The following AFF2 variants were observed in gnomAD, a reference collection of about 807,000 sequenced individuals.
AFF2 encodes ALF transcription elongation factor 2, also known as AF4/FMR2 family member 2.
A neutral mutation model predicts 76.9 loss-of-function variants in AFF2; 14 were observed. The ratio of observed to expected loss-of-function variants is 0.18; its 90% CI spans 0.12 to 0.28. AFF2 has a LOEUF of 0.28. AFF2 is among the 10% of genes least tolerant of loss of function. AFF2 has a pLI of 1.00. For synonymous variants in AFF2, 398 were observed against 366.7 expected (o/e 1.09, Z -0.98); for missense variants, 868 against 1,001.1 (o/e 0.87, Z 1.79).
chrX:148,807,022 A>T (rs2070145039), intron 3 of AFF2, among the ~76,000 whole-genome samples: 1 of 112,164 alleles, frequency 8.9e-6, no homozygotes, highest in Admixed American at 9.4e-5. Context: ...AGTGTTTTCT[A>T]AAGAAAAATA....
intron 3 of AFF2, among the ~76,000 whole-genome samples, chrX:148,745,112 G>A (rs1369707403): frequency 8.9e-6 from 1 of 112,052 alleles, no homozygotes; most frequent in East Asian, 2.8e-4. Context: ...ATATCCTTCT[G>A]TATATATCCT....
chrX:148,519,639 C>T (rs1302694892), intron 1 of AFF2, among the ~76,000 whole-genome samples: 1 of 111,836 alleles, frequency 8.9e-6, no homozygotes, highest in African/African-American at 3.3e-5. Flanking sequence ...TTCGGAGACC[C>T]GAGGAAATAA....
At chrX:148,928,964 G>C (rs1557284088) in intron 9 of AFF2, among the ~76,000 whole-genome samples, 1 of 111,875 alleles carries the variant, frequency 8.9e-6, no homozygotes, top group African/African-American at 3.3e-5. Flanking sequence ...ATCTTGCCAG[G>C]TTCCTCCTTC....
intron 3 of AFF2, among the ~76,000 whole-genome samples, chrX:148,790,525 A>C (rs1282565252): frequency 9.0e-6 from 1 of 111,434 alleles, no homozygotes; most frequent in African/African-American, 3.3e-5. Context: ...GAAATGAGAT[A>C]ATGTCCTTTG....
At chrX:148,681,536 A>G (rs1312675333) in intron 3 of AFF2, among the ~76,000 whole-genome samples, 1 of 98,024 alleles carries the variant, frequency 1.0e-5, no homozygotes, top group Non-Finnish European at 2.0e-5. Flanking sequence ...GTGCTAAAAG[A>G]TGTGTGTGTG....
chrX:148,750,920 G>A (rs1364788862), intron 3 of AFF2, among the ~76,000 whole-genome samples: 3 of 111,563 alleles, frequency 2.7e-5, no homozygotes, highest in East Asian at 5.7e-4. Context: ...TCTTGTCTCC[G>A]TGAGAGACCA....
At chrX:148,696,083 A>G (rs17325152) in intron 3 of AFF2, among the ~76,000 whole-genome samples, 117 of 112,415 alleles carry the variant, frequency 1.0e-3, no homozygotes, top group Middle Eastern at 4.6e-3. Context: ...GTTTTGGTTT[A>G]TCAGTGTTGC....
chrX:148,720,330 C>T (rs1156676665), intron 3 of AFF2, among the ~76,000 whole-genome samples: 2 of 109,725 alleles, frequency 1.8e-5, no homozygotes, highest in African/African-American at 6.6e-5. Context: ...CCTTCCTTCC[C>T]TTCCTTTCTT....
intron 1 of AFF2, among the ~76,000 whole-genome samples, chrX:148,531,790 G>A (rs1383621166): frequency 4.5e-5 from 5 of 112,165 alleles, no homozygotes; most frequent in Non-Finnish European, 9.4e-5. Context: ...TATTTTAACA[G>A]CTACACAAGT....
At chrX:148,932,341 C>A (rs782331612) in intron 9 of AFF2, among the ~76,000 whole-genome samples, 15 of 111,976 alleles carry the variant, frequency 1.3e-4, no homozygotes, top group Non-Finnish European at 2.8e-4. Flanking sequence ...GGCTACTGCT[C>A]CTTTGTGGGT....
At chrX:148,723,447 C>T (rs1277765834) in intron 3 of AFF2, among the ~76,000 whole-genome samples, 1 of 111,135 alleles carries the variant, frequency 9.0e-6, no homozygotes. Flanking sequence ...CATTTTAAGT[C>T]ACCATTTCCC....
intron 2 of AFF2, among the ~76,000 whole-genome samples, chrX:148,661,019 A>G (rs1460300080): frequency 8.9e-6 from 1 of 112,284 alleles, no homozygotes; most frequent in Non-Finnish European, 1.9e-5. Flanking sequence ...AATAGAACCA[A>G]TACATCCTAC....
chrX:148,759,988 G>A (rs1032576218), intron 3 of AFF2, among the ~76,000 whole-genome samples: 3 of 112,236 alleles, frequency 2.7e-5, no homozygotes, highest in African/African-American at 9.7e-5. Context: ...TTGAGCCACA[G>A]TAGACAGAGT....
intron 3 of AFF2, among the ~76,000 whole-genome samples, chrX:148,752,748 C>A (rs1207969459): frequency 8.9e-6 from 1 of 111,735 alleles, no homozygotes; most frequent in African/African-American, 3.3e-5. Flanking sequence ...TTTATTTTAA[C>A]TTCATGGAAG....
chrX:148,825,448 A>G (rs1488225346), intron 4 of AFF2, among the ~76,000 whole-genome samples: 1 of 111,716 alleles, frequency 9.0e-6, no homozygotes, highest in Admixed American at 9.5e-5. Context: ...AGAAATTCCA[A>G]ATATTTTCAA....
intron 9 of AFF2, among the ~76,000 whole-genome samples, chrX:148,912,430 G>A (rs1009119927): frequency 7.2e-5 from 8 of 111,232 alleles, no homozygotes; most frequent in Non-Finnish European, 1.5e-4. Flanking sequence ...TGGACACTAT[G>A]AAAGGAACAA....
rs781789566 is a variant in AFF2, at chrX:148,962,755, A to G, written c.2731A>G (p.Lys911Glu). Residue 911 changes from lysine to glutamate, a missense_variant, in exon 13 of 21, where the codon AAA (lysine) becomes GAA (glutamate). Physicochemically the swap from Lys to Glu is moderately conservative, Grantham distance 56. This residue lies in a region of AFF2 where 532 missense variants were observed against 564.2 expected (regional missense o/e 0.94). Coordinates refer to ENST00000370460, the MANE Select transcript of AFF2 (RefSeq NM_002025.4). The part of the protein sequence containing the change: ...SRRANRRKEE[K>E]LFPPPLSPLP... ...GAGAGCAAATAGAAGAAAGGAAGAAAAACTATTTCCTCCTCCACTTTCCCC... is the reference window on the plus strand; with the variant it reads ...GAGAGCAAATAGAAGAAAGGAAGAAGAACTATTTCCTCCTCCACTTTCCCC... 6 of 1,210,629 alleles carry G rather than the reference A, an allele frequency of 5.0e-6. No individual in the cohort carries two copies. The South Asian group carries it at 1.1e-4, about 21-fold the overall frequency.
intron 7 of AFF2, among the ~76,000 whole-genome samples, chrX:148,850,273 G>T (rs782228180): frequency 8.9e-6 from 1 of 112,066 alleles, no homozygotes; most frequent in Non-Finnish European, 1.9e-5. Context: ...CTCATCCATT[G>T]CCTTTCATGC....
chrX:148,835,162 C>T lies in AFF2; in HGVS notation c.1087-2485C>T, dbSNP rs782620141. The stretch of plus-strand genomic sequence containing the variant: ...TTTTGAGAAGTGACTTTATTCTTCC[C>T]GGTGTCTGAAACACCTTTTAATAAA... On this transcript the variant is annotated intron_variant, in intron 4 of 20. Transcript: ENST00000370460. 6.3e-5 allele frequency among the ~76,000 whole-genome samples: 7 copies of T among 110,999 alleles called. No homozygotes were observed. The South Asian group carries it at 1.2e-3, about 18-fold the overall frequency.
Sources: allele counts gnomAD v4.1 joint callset (sites outside exome capture counted in the v4.1 genomes callset), GRCh38; gene constraint gnomAD v4.1.1; regional missense constraint gnomAD v4.1.1; transcripts MANE v1.5; gene names NCBI Gene and HGNC (gene_info 2026-07-23, HGNC 2026-07-21).